LMX1A: variants seen among roughly 807,000 people sequenced by gnomAD.
The protein encoded by LMX1A is LIM homeobox transcription factor 1-alpha.
In LMX1A, 15 loss-of-function variants were observed where a neutral mutation model predicts 49.1. The ratio of observed to expected loss-of-function variants is 0.31; its 90% confidence interval spans 0.20 to 0.47. The LOEUF is 0.47. LMX1A is among the 20% of genes least tolerant of loss of function. The probability of loss-of-function intolerance (pLI) is 1.00; values close to 1 mark genes in which losing one functional copy is unlikely to be tolerated. For missense variants in LMX1A, 372 were observed against 475.8 expected (o/e 0.78, Z 2.03); for synonymous variants, 167 against 185.7 (o/e 0.90, Z 0.82).
At chr1:165,354,460 C>T (rs1656532470) in intron 2 of LMX1A, among the ~76,000 whole-genome samples, 1 of 152,204 alleles carries the variant, frequency 6.6e-6, no homozygotes. Context: ...AAATCCGCAC[C>T]CGCTGCCCGC....
intron 4 of LMX1A, among the ~76,000 whole-genome samples, chr1:165,217,687 G>A (rs763759937): frequency 1.3e-5 from 2 of 152,164 alleles, no homozygotes; most frequent in Admixed American, 6.5e-5. Flanking sequence ...GGGTTTCACA[G>A]CCCTTGAATA....
intron 3 of LMX1A, among the ~76,000 whole-genome samples, chr1:165,324,559 A>G (rs924582378): frequency 1.3e-5 from 2 of 152,180 alleles, no homozygotes; most frequent in Admixed American, 6.5e-5. Flanking sequence ...GACAAACGTA[A>G]AGCAAAACCA....
At chr1:165,298,346 C>T (rs189875650) in intron 3 of LMX1A, among the ~76,000 whole-genome samples, 3 of 152,286 alleles carry the variant, frequency 2.0e-5, no homozygotes, top group South Asian at 2.1e-4. Flanking sequence ...CTTGCAGGCC[C>T]GTCAGGGAGA....
At chr1:165,238,086 A>T (rs962714333) in intron 4 of LMX1A, among the ~76,000 whole-genome samples, 1 of 152,260 alleles carries the variant, frequency 6.6e-6, no homozygotes, top group Non-Finnish European at 1.5e-5. Flanking sequence ...AAGAGGACCC[A>T]ATGTAAAGGT....
At chr1:165,217,093 G>T (rs1215501696) in intron 4 of LMX1A, among the ~76,000 whole-genome samples, 1 of 152,168 alleles carries the variant, frequency 6.6e-6, no homozygotes, top group African/African-American at 2.4e-5. Context: ...CTCAGTTAAG[G>T]TTTTACACTG....
intron 3 of LMX1A, among the ~76,000 whole-genome samples, chr1:165,306,464 C>T (rs529360869): frequency 3.1e-4 from 47 of 152,284 alleles, no homozygotes; most frequent in African/African-American, 1.0e-3. Flanking sequence ...CTGGGTAAGT[C>T]CAGGTGACCC....
intron 3 of LMX1A, among the ~76,000 whole-genome samples, chr1:165,293,852 C>G (rs1371616009): frequency 6.6e-6 from 1 of 152,150 alleles, no homozygotes; most frequent in African/African-American, 2.4e-5. Flanking sequence ...TAATCGCCTC[C>G]CAAAGCCTCC....
Position 165,204,052 on chromosome 1 carries a change from A to T in LMX1A, c.989-12T>A, listed in dbSNP as rs745526839. 1.9e-6 allele frequency: 3 copies of T among 1,613,656 alleles called. No homozygotes were observed. The highest frequency in any genetic ancestry group is 2.2e-5 in the South Asian group (2 of 91,056). On this transcript the variant is annotated splice_polypyrimidine_tract_variant and intron_variant, in intron 8 of 8. Transcript: ENST00000342310. ...AAGGGGCTCGGCACCTGAAATGGAG[A>T]TGAAACACTGGCATGAGGGTCTTGA...
chr1:165,324,556 G>A (rs553314126), intron 3 of LMX1A, among the ~76,000 whole-genome samples: 32 of 152,202 alleles, frequency 2.1e-4, no homozygotes, highest in Middle Eastern at 6.8e-3. Flanking sequence ...GAGGACAAAC[G>A]TAAAGCAAAA....
At chr1:165,320,403 G>C (rs143251151) in intron 3 of LMX1A, among the ~76,000 whole-genome samples, 485 of 152,310 alleles carry the variant, frequency 3.2e-3, no homozygotes, top group African/African-American at 0.011. Context: ...TAAATGTAGA[G>C]ACTGAAATGT....
At chr1:165,229,223 C>CA (rs1201981134) in intron 4 of LMX1A, among the ~76,000 whole-genome samples, 2 of 151,956 alleles carry the variant, frequency 1.3e-5, no homozygotes, top group African/African-American at 4.8e-5. Context: ...AACACAACCC[C>CA]AAAAAAGTGT....
At chr1:165,259,755 G>C (rs529357680) in intron 3 of LMX1A, among the ~76,000 whole-genome samples, 18 of 152,316 alleles carry the variant, frequency 1.2e-4, no homozygotes, top group Non-Finnish European at 2.4e-4. Context: ...AAACTAAAGA[G>C]ATTATACCAT....
intron 7 of LMX1A, among the ~76,000 whole-genome samples, chr1:165,206,570 G>A (rs111988935): frequency 2.9e-3 from 436 of 152,224 alleles, no homozygotes; most frequent in Middle Eastern, 0.01. Flanking sequence ...CCTTTGGAGC[G>A]CCTTTAGAAT....
intron 4 of LMX1A, among the ~76,000 whole-genome samples, chr1:165,226,071 G>C (rs1204274284): frequency 6.6e-6 from 1 of 152,086 alleles, no homozygotes; most frequent in African/African-American, 2.4e-5. Context: ...GGTATGACTG[G>C]AGGAAAAGGT....
chr1:165,319,018 C>G (rs994906846), intron 3 of LMX1A, among the ~76,000 whole-genome samples: 3 of 133,890 alleles, frequency 2.2e-5, no homozygotes, highest in Admixed American at 7.2e-5. Flanking sequence ...CACACACACA[C>G]ACACACACAC....
In LMX1A at chr1:165,295,830, A is replaced by C. The variant is rs1306291897; in HGVS notation, c.264-46190T>G. Among the ~76,000 whole-genome samples, 3 of 152,310 alleles carry C rather than the reference A, an allele frequency of 2.0e-5. No individual in the cohort carries two copies. In the South Asian group the frequency reaches 6.2e-4, roughly 32 times the overall value. Reference sequence around the variant, plus strand: ...CCTCCCAGAGGCAGACAGGAAAAGAACCGGGATAAACATAAAGTTCATGTT... The same window carrying C: ...CCTCCCAGAGGCAGACAGGAAAAGACCCGGGATAAACATAAAGTTCATGTT... On this transcript the variant is annotated intron_variant, in intron 3 of 8. Coordinates refer to ENST00000342310, the MANE Select transcript of LMX1A (RefSeq NM_177398.4).
intron 3 of LMX1A, among the ~76,000 whole-genome samples, chr1:165,331,367 G>A (rs1346683784): frequency 6.6e-6 from 1 of 152,168 alleles, no homozygotes; most frequent in Non-Finnish European, 1.5e-5. Context: ...CTGTATCTTT[G>A]CTGTTCAATC....
At chr1:165,317,113 T>C (rs902473658) in intron 3 of LMX1A, among the ~76,000 whole-genome samples, 2 of 152,220 alleles carry the variant, frequency 1.3e-5, no homozygotes, top group Non-Finnish European at 2.9e-5. Context: ...TCATATACAG[T>C]GAGCCCTCAG....
In LMX1A at chr1:165,213,924, T is replaced by C. The variant is rs1571150916; in HGVS notation, c.497-111A>G. ...CACATTTCCAGGATGGCTTTATGTA[T>C]GAGAGCAATAATCTATGTGGTATTG... On this transcript the variant is annotated intron_variant, in intron 4 of 8. Coordinates refer to ENST00000342310, the MANE Select transcript of LMX1A (RefSeq NM_177398.4). 3.3e-5 allele frequency: 30 copies of C among 901,854 alleles called. No homozygotes were observed. The East Asian group carries it at 7.0e-4, about 21-fold the overall frequency. The allele number at this position is 901,854 out of a possible 1,614,324, so 55.9% of individuals were successfully genotyped here. A position where few individuals can be genotyped will look rare whatever the true frequency, so the allele number is the denominator to read the frequency against.
Sources: gnomAD v4.1 joint callset for allele counts (sites outside exome capture counted in the v4.1 genomes callset) on GRCh38, gnomAD v4.1.1 for gene constraint, MANE v1.5 for transcripts, NCBI Gene and HGNC (gene_info 2026-07-23, HGNC 2026-07-21) for gene names.